CDH9: variants seen among roughly 807,000 people sequenced by gnomAD.
The protein encoded by CDH9 is cadherin-9.
Under a neutral mutation model 70.9 loss-of-function variants are expected in CDH9, and 28 were observed. The ratio of observed to expected loss-of-function variants is 0.40; its 90% CI spans 0.29 to 0.54. The LOEUF is 0.54. CDH9 is among the 20% of genes least tolerant of loss of function. The probability of loss-of-function intolerance (pLI) is 0.59; values close to 1 mark genes in which losing one functional copy is unlikely to be tolerated. For synonymous variants in CDH9, 409 were observed against 343.1 expected (o/e 1.19, Z -2.12); for missense variants, 874 against 984.4 (o/e 0.89, Z 1.50).
At chr5:26,975,154 C>G (rs1742284248) in intron 2 of CDH9, among the ~76,000 whole-genome samples, 1 of 152,158 alleles carries the variant, frequency 6.6e-6, no homozygotes. Flanking sequence ...AAAGCTACTT[C>G]CTGATTTCAC....
At chr5:26,926,586 A>T (rs1741344037) in intron 2 of CDH9, among the ~76,000 whole-genome samples, 1 of 152,052 alleles carries the variant, frequency 6.6e-6, no homozygotes, top group Admixed American at 6.6e-5. Context: ...AATTGGAAAA[A>T]AAAACTACTT....
chr5:26,967,480 G>A (rs1742148669), intron 2 of CDH9, among the ~76,000 whole-genome samples: 1 of 152,082 alleles, frequency 6.6e-6, no homozygotes, highest in Admixed American at 6.6e-5. Context: ...AATATTGTTA[G>A]AGAAGTTATT....
chr5:26,941,817 T>A (rs1327854474), intron 2 of CDH9, among the ~76,000 whole-genome samples: 1 of 152,174 alleles, frequency 6.6e-6, no homozygotes, highest in Non-Finnish European at 1.5e-5. Flanking sequence ...CTGGGTAATT[T>A]ACAAAGAATA....
At chr5:26,905,895 T>G (rs1740937579) in intron 5 of CDH9, 64 bp downstream of exon 5, 2 of 1,235,460 alleles carry the variant, frequency 1.6e-6, no homozygotes, top group Admixed American at 3.6e-5. Context: ...AATGTGAATA[T>G]TAAACTCGGC....
intron 2 of CDH9, among the ~76,000 whole-genome samples, chr5:26,928,961 G>T (rs544614997): frequency 6.6e-6 from 1 of 152,054 alleles, no homozygotes; most frequent in African/African-American, 2.4e-5. Flanking sequence ...TACACCATAA[G>T]CACAGGCAAC....
chr5:26,966,735 A>T (rs2112068279), intron 2 of CDH9, among the ~76,000 whole-genome samples: 1 of 152,232 alleles, frequency 6.6e-6, no homozygotes, highest in South Asian at 2.1e-4. Flanking sequence ...AAGCTCTGTG[A>T]TATTACATTC....
intron 2 of CDH9, 22 bp from the exon 3 acceptor site, chr5:26,915,946 G>A (rs550155882): frequency 6.5e-7 from 1 of 1,530,338 alleles, no homozygotes; most frequent in Non-Finnish European, 8.9e-7. Context: ...TAGAAAAGAA[G>A]AGTTCTGTAA....
At chr5:26,891,550 C>T (rs566727773) in intron 7 of CDH9, among the ~76,000 whole-genome samples, 40 of 152,124 alleles carry the variant, frequency 2.6e-4, no homozygotes, top group African/African-American at 9.4e-4. Context: ...TGGTGGCAGA[C>T]ACCTGTAATC....
intron 5 of CDH9, among the ~76,000 whole-genome samples, chr5:26,905,522 C>T (rs773795879): frequency 4.6e-5 from 7 of 152,002 alleles, no homozygotes; most frequent in Non-Finnish European, 7.4e-5. Flanking sequence ...TATAAGTCTG[C>T]GTGTAAAACA....
At chr5:26,970,490 G>A (rs1359657220) in intron 2 of CDH9, among the ~76,000 whole-genome samples, 1 of 152,050 alleles carries the variant, frequency 6.6e-6, no homozygotes, top group Non-Finnish European at 1.5e-5. Flanking sequence ...TGATTGACAT[G>A]ATTTCATGTA....
At chr5:26,930,108 A>C (rs941876638) in intron 2 of CDH9, among the ~76,000 whole-genome samples, 1 of 152,094 alleles carries the variant, frequency 6.6e-6, no homozygotes, top group African/African-American at 2.4e-5. Flanking sequence ...CATGTGCCCC[A>C]TAAATATATC....
At position 27,010,583 on chromosome 5, in the gene CDH9, C is replaced by T. The variant is rs796140852; in HGVS notation, c.-49-22201G>A. On this transcript the variant is annotated intron_variant, in intron 1 of 11. Transcript: ENST00000231021. ...ATATTCTGTTTTCCCACATTTTGCCCGAAAATCCTACATTGAGTGCAGGAT... is the reference window on the plus strand; with the variant it reads ...ATATTCTGTTTTCCCACATTTTGCCTGAAAATCCTACATTGAGTGCAGGAT... Among the ~76,000 whole-genome samples the T allele has an allele frequency of 3.9e-5, 6 of 152,196 alleles. 2 individuals are homozygous for T. Among genetic ancestry groups the T allele is most frequent in the East Asian group, 1.9e-4 (1 of 5,164 alleles).
At chr5:26,974,172 A>G (rs1038985277) in intron 2 of CDH9, among the ~76,000 whole-genome samples, 1 of 152,172 alleles carries the variant, frequency 6.6e-6, no homozygotes, top group African/African-American at 2.4e-5. Context: ...TGAACCTGGG[A>G]GACAGTGGTT....
intron 2 of CDH9, among the ~76,000 whole-genome samples, chr5:26,975,656 C>G (rs1485614444): frequency 2.0e-5 from 3 of 152,118 alleles, no homozygotes; most frequent in African/African-American, 4.8e-5. Context: ...CAGATATACC[C>G]ATTGAGGATT....
At chr5:26,944,750 AT>A (rs1369573395) in intron 2 of CDH9, among the ~76,000 whole-genome samples, 2 of 94,664 alleles carry the variant, frequency 2.1e-5, no homozygotes, top group African/African-American at 8.0e-5. Context: ...ATATATCAGT[AT>A]TTTTAAATCC....
At chr5:26,947,371 G>C (rs7702221) in intron 2 of CDH9, among the ~76,000 whole-genome samples, 1 of 151,964 alleles carries the variant, frequency 6.6e-6, no homozygotes, top group East Asian at 1.9e-4. Flanking sequence ...GAGGGTGGTG[G>C]CCCAAGCAGT....
intron 2 of CDH9, among the ~76,000 whole-genome samples, chr5:26,964,698 G>A (rs1268727548): frequency 2.0e-5 from 3 of 151,880 alleles, no homozygotes; most frequent in Non-Finnish European, 2.9e-5. Flanking sequence ...TTGTTACATA[G>A]GTATACACTT....
At chr5:26,967,053 C>T (rs922889779) in intron 2 of CDH9, among the ~76,000 whole-genome samples, 2 of 152,132 alleles carry the variant, frequency 1.3e-5, no homozygotes, top group Admixed American at 1.3e-4. Flanking sequence ...TCACCTCAGC[C>T]TTCCAAGTAG....
Position 26,889,899 on chromosome 5 carries a change from G to T in CDH9, c.1449C>A (p.Asp483Glu), listed in dbSNP as rs1186332080. The stretch of plus-strand genomic sequence containing the variant: ...AATACATGGCAAATTCCGGAGCATG[G>T]TCATTTATATCTAGAATTCTGATGA... ...PVFIRILDIN[D>E]HAPEFAMYYE... The change falls in exon 9 of 12, where the codon GAC becomes GAA. Residue 483 changes from aspartate (D) to glutamate (E), a missense_variant. Asp to Glu is a conservative substitution (Grantham distance 45, BLOSUM62 2). Coordinates refer to ENST00000231021, the MANE Select transcript of CDH9 (RefSeq NM_016279.4). The T allele has an allele frequency of 6.2e-7, 1 of 1,603,834 alleles. No homozygotes were observed. The highest frequency in any genetic ancestry group is 1.3e-5 in the African/African-American group (1 of 74,496).
Sources: gnomAD v4.1 joint callset for allele counts (sites outside exome capture counted in the v4.1 genomes callset) on GRCh38, gnomAD v4.1.1 for gene constraint, MANE v1.5 for transcripts, NCBI Gene and HGNC (gene_info 2026-07-23, HGNC 2026-07-21) for gene names.